The following CCDC102B variants were observed in gnomAD, a reference collection of about 807,000 sequenced individuals.
CCDC102B encodes the protein coiled-coil domain containing 102B, also known as coiled-coil domain-containing protein 102B.
In CCDC102B, 75 loss-of-function variants were observed where a neutral mutation model predicts 57.4. The ratio of observed to expected loss-of-function variants is 1.31; its 90% CI spans 1.08 to 1.58. The LOEUF is 1.58. Ranked by LOEUF, CCDC102B falls within the 40% of genes most tolerant of loss-of-function variation. The pLI, the probability that CCDC102B is intolerant of heterozygous loss-of-function variation, is 0.00. For missense variants in CCDC102B, 636 were observed against 582.6 expected (o/e 1.09, Z -0.94); for synonymous variants, 206 against 201.9 (o/e 1.02, Z -0.17).
At chr18:68,827,629 GAT>G (rs2036957791) in intron 1 of CCDC102B, among the ~76,000 whole-genome samples, 1 of 151,976 alleles carries the variant, frequency 6.6e-6, no homozygotes. Flanking sequence ...TAAAATGGCA[GAT>G]ATAAGTTCTA....
intron 2 of CCDC102B, among the ~76,000 whole-genome samples, chr18:68,738,653 A>G (rs948839660): frequency 6.6e-6 from 1 of 152,182 alleles, no homozygotes; most frequent in Non-Finnish European, 1.5e-5. Context: ...CACCGGGATG[A>G]CTGTGAGAAT....
chr18:69,057,215 G>T (rs2052832492), downstream of CCDC102B, among the ~76,000 whole-genome samples: 1 of 151,916 alleles, frequency 6.6e-6, no homozygotes, highest in South Asian at 2.1e-4. Context: ...TGCATTTCCT[G>T]GTACCAATTT....
At chr18:68,813,208 T>G (rs1255714404) in intron 1 of CCDC102B, among the ~76,000 whole-genome samples, 2 of 152,106 alleles carry the variant, frequency 1.3e-5, no homozygotes, top group African/African-American at 4.8e-5. Context: ...TCTCTGTCTC[T>G]CTCCTGTTTC....
At position 68,980,063 on chromosome 18, in the gene CCDC102B, C is replaced by T. The variant is rs533182722; in HGVS notation, c.1264-30871C>T. ...AGTTATTTTATTGCAGAATGTGACA[C>T]TTCAGAGTGTCCAGGGCAGTTGAAA... On this transcript the variant is annotated intron_variant, in intron 6 of 7. Transcript: ENST00000360242. Among the ~76,000 whole-genome samples, 4 of 152,008 alleles carry T rather than the reference C, an allele frequency of 2.6e-5. No individual in the cohort carries two copies. In the East Asian group the frequency reaches 7.8e-4, roughly 30 times the overall value.
intron 6 of CCDC102B, among the ~76,000 whole-genome samples, chr18:68,946,452 T>C (rs992252830): frequency 1.1e-4 from 16 of 152,186 alleles, no homozygotes; most frequent in Admixed American, 1.0e-3. Flanking sequence ...TTGAGAATTA[T>C]GGCTTGCCAA....
intron 6 of CCDC102B, among the ~76,000 whole-genome samples, chr18:68,958,572 A>G (rs549800947): frequency 2.0e-5 from 3 of 152,204 alleles, no homozygotes; most frequent in African/African-American, 4.8e-5. Context: ...TTCTTTTATT[A>G]TCTCTTTGAA....
rs1568292654 is a variant in CCDC102B at position 68,857,268 on chromosome 18, TA to T, written c.936+10848del. Among the ~76,000 whole-genome samples, 23 of 10,508 alleles carry T rather than the reference TA, an allele frequency of 2.2e-3. 3 individuals carry two copies. The Admixed American group carries it at 0.024, about 11-fold the overall frequency. The allele number at this position is 10,508 out of a possible 152,430, so 6.9% of individuals were successfully genotyped here. A position where few individuals can be genotyped will look rare whatever the true frequency, so the allele number is the denominator to read the frequency against. On this transcript the variant is annotated intron_variant, in intron 4 of 7. Transcript: ENST00000360242. The stretch of plus-strand genomic sequence containing the variant: ...TATATTTATTATTTAAATATATAAA[TA>T]TATATATAATATATATTTATATATT...
At chr18:68,729,460 G>A (rs2032759385) in intron 2 of CCDC102B, among the ~76,000 whole-genome samples, 2 of 152,124 alleles carry the variant, frequency 1.3e-5, no homozygotes, top group Admixed American at 1.3e-4. Context: ...GTTGACACAG[G>A]GATAGACCAA....
intron 2 of CCDC102B, among the ~76,000 whole-genome samples, chr18:68,770,197 C>G (rs1052387110): frequency 2.6e-5 from 4 of 152,194 alleles, no homozygotes; most frequent in Admixed American, 2.0e-4. Flanking sequence ...TAAGAAATCT[C>G]TTGTTAAAGA....
At chr18:68,982,649 C>T (rs1443568802) in intron 6 of CCDC102B, among the ~76,000 whole-genome samples, 3 of 151,646 alleles carry the variant, frequency 2.0e-5, no homozygotes, top group Non-Finnish European at 3.0e-5. Context: ...AAACTAGGTG[C>T]TTGTATTTTA....
At chr18:68,832,498 G>A (rs2037187939) in intron 1 of CCDC102B, among the ~76,000 whole-genome samples, 1 of 152,068 alleles carries the variant, frequency 6.6e-6, no homozygotes, top group African/African-American at 2.4e-5. Flanking sequence ...TTTTGTTGTT[G>A]TTGTTGTGCT....
intron 2 of CCDC102B, among the ~76,000 whole-genome samples, chr18:68,766,396 T>G (rs1177208489): frequency 6.6e-6 from 1 of 152,170 alleles, no homozygotes; most frequent in Non-Finnish European, 1.5e-5. Context: ...CTTACAGTTT[T>G]TAGTTAATCT....
At chr18:68,779,584 A>T (rs959197449) in intron 2 of CCDC102B, among the ~76,000 whole-genome samples, 2 of 152,074 alleles carry the variant, frequency 1.3e-5, no homozygotes, top group Non-Finnish European at 2.9e-5. Context: ...AATTCAGTAC[A>T]TTTATTTATG....
intron 6 of CCDC102B, among the ~76,000 whole-genome samples, chr18:68,996,784 G>C (rs1321161964): frequency 1.3e-5 from 2 of 152,170 alleles, no homozygotes; most frequent in Admixed American, 6.5e-5. Context: ...GTTAATGCTG[G>C]AATTAAGAAT....
At chr18:68,948,461 C>A (rs1455680027) in intron 6 of CCDC102B, among the ~76,000 whole-genome samples, 1 of 151,028 alleles carries the variant, frequency 6.6e-6, no homozygotes, top group Admixed American at 6.6e-5. Context: ...CAATTTCTGA[C>A]CTTTTTTACA....
At chr18:68,893,899 A>G (rs936441203) in intron 5 of CCDC102B, among the ~76,000 whole-genome samples, 2 of 151,996 alleles carry the variant, frequency 1.3e-5, no homozygotes, top group African/African-American at 2.4e-5. Flanking sequence ...GTTCTCCCCA[A>G]ATCCTAACAT....
intron 5 of CCDC102B, among the ~76,000 whole-genome samples, chr18:68,875,792 G>A (rs999668416): frequency 6.6e-6 from 1 of 152,072 alleles, no homozygotes; most frequent in Non-Finnish European, 1.5e-5. Context: ...TATACTGCAA[G>A]GGAACAGTTT....
At chr18:68,842,580 G>T (rs186711520) in intron 3 of CCDC102B, among the ~76,000 whole-genome samples, 2 of 152,016 alleles carry the variant, frequency 1.3e-5, no homozygotes, top group African/African-American at 2.4e-5. Flanking sequence ...AGCCAATACC[G>T]CAAGGCAATA....
At chr18:69,040,096 C>T (rs2052392811) in intron 7 of CCDC102B, among the ~76,000 whole-genome samples, 1 of 151,676 alleles carries the variant, frequency 6.6e-6, no homozygotes, top group Non-Finnish European at 1.5e-5. Context: ...TTTAACAGAC[C>T]ATAAAATGAA....
Sources: gnomAD v4.1 joint callset for allele counts (sites outside exome capture counted in the v4.1 genomes callset) on GRCh38, gnomAD v4.1.1 for gene constraint, MANE v1.5 for transcripts, NCBI Gene and HGNC (gene_info 2026-07-23, HGNC 2026-07-21) for gene names.